Variants in MUC13 observed in about 807,000 individuals in gnomAD.
MUC13 encodes the protein mucin-13.
A neutral mutation model predicts 48.3 loss-of-function variants in MUC13; 32 were observed. The observed-to-expected ratio is 0.66, with a 90% CI of 0.50 to 0.89. MUC13 has a LOEUF of 0.89. MUC13 is among the 40% of genes least tolerant of loss of function. The probability of loss-of-function intolerance (pLI) is 0.00; values close to 1 mark genes in which losing one functional copy is unlikely to be tolerated. For missense variants in MUC13, 571 were observed against 622.8 expected (o/e 0.92, Z 0.88); for synonymous variants, 199 against 224.9 (o/e 0.88, Z 1.03).
At chr3:124,918,666 C>T (rs1202801448) in intron 5 of MUC13, among the ~76,000 whole-genome samples, 1 of 152,234 alleles carries the variant, frequency 6.6e-6, no homozygotes, top group Admixed American at 6.5e-5. Context: ...CCTGGTCACT[C>T]AGGGACAAAG....
chr3:124,920,161 T>C (rs1579367064), intron 5 of MUC13, 73 bp downstream of exon 5: 1 of 1,297,886 alleles, frequency 7.7e-7, no homozygotes, highest in Non-Finnish European at 1.1e-6. Context: ...TAATGTTACA[T>C]GCAGACCTCA....
intron 10 of MUC13, 112 bp from the exon 11 acceptor site, chr3:124,908,460 T>C: frequency 1.1e-6 from 1 of 903,080 alleles, no homozygotes; most frequent in Non-Finnish European, 1.7e-6. Flanking sequence ...TCACATTTAT[T>C]TGTAAGTTAC....
At chr3:124,928,312 C>T (rs373583872) in intron 1 of MUC13, among the ~76,000 whole-genome samples, 1 of 151,960 alleles carries the variant, frequency 6.6e-6, no homozygotes, top group Non-Finnish European at 1.5e-5. Flanking sequence ...CAATAAATAA[C>T]ATTAAAAATT....
intron 9 of MUC13, 82 bp downstream of exon 9, chr3:124,912,022 T>C (rs913846608): frequency 2.1e-5 from 33 of 1,539,244 alleles, no homozygotes; most frequent in Non-Finnish European, 2.7e-5. Flanking sequence ...TTTGAAGGAC[T>C]GGGCAGGATG....
At chr3:124,920,107 G>A in intron 5 of MUC13, 127 bp downstream of exon 5, 2 of 818,016 alleles carry the variant, frequency 2.4e-6, no homozygotes, top group East Asian at 5.3e-5. Context: ...CTCAGACTGA[G>A]ACTGACCCTC....
chr3:124,910,489 C>A lies in MUC13; in HGVS notation c.1263G>T (p.Leu421=), dbSNP rs147099165. 1.2e-6 allele frequency: 2 copies of A among 1,613,936 alleles called. No individual in the cohort carries two copies. The highest frequency in any genetic ancestry group is 1.7e-6 in the Non-Finnish European group (2 of 1,179,978). ...CGATGGTGCCCACAATAGTGAGGATCAGCTGAAATTCTGAAAGGAAGAAGA... is the reference window on the plus strand; with the variant it reads ...CGATGGTGCCCACAATAGTGAGGATAAGCTGAAATTCTGAAAGGAAGAAGA... The part of the protein sequence containing the change: ...SGLDCKDKFQ[L]ILTIVGTIAG... The change falls in exon 10 of 12, where the codon CTG becomes CTT. Residue 421 remains leucine, a synonymous_variant. Transcript: ENST00000616727.
rs1189328026 is a variant in MUC13, at chr3:124,906,361, T to C, written c.*382A>G. ...ATTAGGTCACTTAACTCAAGAGCAA[T>C]GTTTGCCCAGGAGCAAGCAATGCTG... On this transcript the variant is annotated 3_prime_UTR_variant, in exon 12 of 12. Transcript: ENST00000616727. The C allele has an allele frequency of 1.3e-5, 2 of 152,544 alleles. No homozygotes were observed. Among genetic ancestry groups the C allele is most frequent in the African/African-American group, 4.8e-5 (2 of 41,426 alleles). 9.4% of individuals were successfully genotyped at this position (152,544 alleles called of 1,614,324 possible). A position where few individuals can be genotyped will look rare whatever the true frequency, so the allele number is the denominator to read the frequency against.
At chr3:124,932,032 C>T (rs1052477443) in intron 1 of MUC13, among the ~76,000 whole-genome samples, 8 of 151,754 alleles carry the variant, frequency 5.3e-5, no homozygotes, top group African/African-American at 1.9e-4. Context: ...GCAACAAGAA[C>T]AAAACTCTGT....
chr3:124,916,443 C>T lies in MUC13; in HGVS notation c.838G>A (p.Asp280Asn), dbSNP rs1175564969. The T allele has an allele frequency of 3.7e-6, 6 of 1,613,154 alleles. No individual in the cohort carries two copies. Among genetic ancestry groups the T allele is most frequent in the Non-Finnish European group, 5.1e-6 (6 of 1,179,700 alleles). ...ACTATTGTTACATTAACAAACTTGTCATCAGCACGCATTTCAGATCTTGGT... is the reference window on the plus strand; with the variant it reads ...ACTATTGTTACATTAACAAACTTGTTATCAGCACGCATTTCAGATCTTGGT... ...LSPRSEMRAD[D>N]KFVNVTIVTI... is the part of the protein sequence containing the mutation. The change falls in exon 6 of 12, where the codon GAC (aspartate) becomes AAC (asparagine). Residue 280 changes from aspartate to asparagine, a missense_variant. Coordinates refer to ENST00000616727, the MANE Select transcript of MUC13 (RefSeq NM_033049.4).
At chr3:124,917,936 C>T (rs1210331050) in intron 5 of MUC13, among the ~76,000 whole-genome samples, 1 of 152,092 alleles carries the variant, frequency 6.6e-6, no homozygotes. Flanking sequence ...TACACTAATT[C>T]AGGAGAGGCA....
rs576857931 is a variant in MUC13, at chr3:124,931,783, G to A, written c.52+2878C>T. Among the ~76,000 whole-genome samples the A allele has an allele frequency of 5.3e-5, 8 of 150,320 alleles. No homozygotes were observed. In the South Asian group the frequency reaches 6.3e-4, roughly 12 times the overall value. ...TATAAGGCCAGGCGCGGTGGCTCAC[G>A]CCTGTAATCCCAGAACTTTGGGAGG... On this transcript the variant is annotated intron_variant, in intron 1 of 11. Transcript: ENST00000616727.
At chr3:124,912,739 C>G (rs929054819) in intron 8 of MUC13, among the ~76,000 whole-genome samples, 1 of 152,068 alleles carries the variant, frequency 6.6e-6, no homozygotes, top group East Asian at 1.9e-4. Flanking sequence ...AGTTCAAGAC[C>G]AGCCTGGCCA....
At chr3:124,913,447 T>C (rs1188697777) in intron 7 of MUC13, 115 bp downstream of exon 7, 1 of 1,542,666 alleles carries the variant, frequency 6.5e-7, no homozygotes, top group East Asian at 2.3e-5. Context: ...AAGTCAGAAG[T>C]CAGATCACTC....
intron 11 of MUC13, 126 bp downstream of exon 11, chr3:124,908,021 T>C (rs145354930): frequency 1.1e-6 from 1 of 904,414 alleles, no homozygotes; most frequent in African/African-American, 1.7e-5. Context: ...TCTCTCTCTC[T>C]TTCAATTAAG....
chr3:124,932,566 C>CA lies in MUC13; in HGVS notation c.52+2094dup, dbSNP rs546487627. ...GGGCGACAAGAGTGAAACTCGGTCT[C>CA]AAAAAAAAAAAAAGAAAGAAAGAAA... On this transcript the variant is annotated intron_variant, in intron 1 of 11. Transcript: ENST00000616727. Among the ~76,000 whole-genome samples the CA allele has an allele frequency of 6.2e-3, 632 of 101,504 alleles. 7 individuals carry two copies. The highest frequency in any genetic ancestry group is 0.026 in the Middle Eastern group (5 of 194). 66.6% of individuals were successfully genotyped at this position (101,504 alleles called of 152,430 possible). A position where few individuals can be genotyped will look rare whatever the true frequency, so the allele number is the denominator to read the frequency against.
Position 124,916,378 on chromosome 3 carries a change from A to G in MUC13, c.903T>C (p.Thr301=). The G allele has an allele frequency of 6.2e-7, 1 of 1,613,730 alleles. No individual in the cohort carries two copies. Among genetic ancestry groups the G allele is most frequent in the South Asian group, 1.1e-5 (1 of 91,038 alleles). The change falls in exon 6 of 12, where the codon ACT becomes ACC. Residue 301 remains threonine, a synonymous_variant. Transcript: ENST00000616727. ...LAETTSDNEK[T]VTEKINKAIR... ...TTGCTTTATTAATTTTCTCAGTCAC[A>G]GTCTTCTCATTGTCACTTGTGGTTT...
chr3:124,927,675 G>A lies in MUC13; in HGVS notation c.371C>T (p.Ser124Leu). Reference protein sequence around the residue: ...SLATSDIITASSPNDGLITMV... With the variant: ...SLATSDIITALSPNDGLITMV... The stretch of plus-strand genomic sequence containing the variant: ...TGTGATTAATCCATCATTTGGAGAT[G>A]AAGCGGTGATTATGTCAGAGGTAGC... The change falls in exon 2 of 12, where the codon TCA (serine) becomes TTA (leucine). Residue 124 changes from serine to leucine, a missense_variant. Ser to Leu is a moderately radical substitution (Grantham distance 145). Coordinates refer to ENST00000616727, the MANE Select transcript of MUC13 (RefSeq NM_033049.4). The A allele has an allele frequency of 1.2e-6, 2 of 1,614,244 alleles. No individual in the cohort carries two copies. The highest frequency in any genetic ancestry group is 1.7e-6 in the Non-Finnish European group (2 of 1,180,032).
chr3:124,909,773 GA>G (rs1935385955), intron 10 of MUC13, among the ~76,000 whole-genome samples: 1 of 152,076 alleles, frequency 6.6e-6, no homozygotes, highest in African/African-American at 2.4e-5. Context: ...ACAGGGAAGT[GA>G]CCTGATGAAA....
intron 1 of MUC13, among the ~76,000 whole-genome samples, chr3:124,933,136 T>C (rs917271030): frequency 4.6e-5 from 7 of 152,064 alleles, no homozygotes; most frequent in African/African-American, 1.4e-4. Context: ...TCTCCAACCT[T>C]CCAGCATTAA....
Sources: allele counts gnomAD v4.1 joint callset (sites outside exome capture counted in the v4.1 genomes callset), GRCh38; gene constraint gnomAD v4.1.1; transcripts MANE v1.5; gene names NCBI Gene and HGNC (gene_info 2026-07-23, HGNC 2026-07-21).